The following RAPGEF6 variants were observed in gnomAD, a reference collection of about 807,000 sequenced individuals.
The protein encoded by RAPGEF6 is Rap guanine nucleotide exchange factor 6.
Under a neutral mutation model 171.4 loss-of-function variants are expected in RAPGEF6, and 56 were observed. The observed-to-expected ratio is 0.33, with a 90% CI of 0.26 to 0.41. The LOEUF (loss-of-function observed/expected upper bound fraction) is 0.41. Ranked by LOEUF, RAPGEF6 falls within the 10% of genes least tolerant of loss-of-function variation. The probability of loss-of-function intolerance (pLI) is 1.00; values close to 1 mark genes in which losing one functional copy is unlikely to be tolerated. For synonymous variants in RAPGEF6, 692 were observed against 650.1 expected (o/e 1.06, Z -0.98); for missense variants, 1,674 against 1,921.4 (o/e 0.87, Z 2.41).
chr5:131,450,540 A>T (rs926868553), intron 21 of RAPGEF6, among the ~76,000 whole-genome samples: 1 of 152,184 alleles, frequency 6.6e-6, no homozygotes, highest in Non-Finnish European at 1.5e-5. Flanking sequence ...TCTTGTAAGA[A>T]ATGTTGACCA....
intron 1 of RAPGEF6, among the ~76,000 whole-genome samples, chr5:131,613,838 G>T (rs1239648715): frequency 6.6e-6 from 1 of 151,946 alleles, no homozygotes; most frequent in African/African-American, 2.4e-5. Flanking sequence ...CAAAGGCAGG[G>T]GCAAATTATT....
chr5:131,579,528 A>C (rs1467854857), intron 4 of RAPGEF6, among the ~76,000 whole-genome samples: 1 of 152,224 alleles, frequency 6.6e-6, no homozygotes, highest in Non-Finnish European at 1.5e-5. Flanking sequence ...TGAGCTAGAC[A>C]GAGTGCTGAC....
intron 1 of RAPGEF6, among the ~76,000 whole-genome samples, chr5:131,608,877 C>T (rs567703702): frequency 2.6e-5 from 4 of 152,098 alleles, no homozygotes; most frequent in South Asian, 4.2e-4. Flanking sequence ...CTCAAGCAAT[C>T]GTCCCACCTC....
At chr5:131,462,923 A>G (rs1188203363) in intron 18 of RAPGEF6, among the ~76,000 whole-genome samples, 1 of 152,212 alleles carries the variant, frequency 6.6e-6, no homozygotes, top group Non-Finnish European at 1.5e-5. Flanking sequence ...AATGCCATAA[A>G]TAATAGTGCT....
At chr5:131,430,704 T>C (rs1486977665) in intron 26 of RAPGEF6, 155 bp downstream of exon 26, 4 of 1,094,018 alleles carry the variant, frequency 3.7e-6, no homozygotes, top group Admixed American at 1.7e-5. Context: ...TGAGAAACCA[T>C]GAATTTTTGG....
In RAPGEF6 at chr5:131,555,813, C is replaced by T. The variant is rs1041898211; in HGVS notation, c.351+6165G>A. On this transcript the variant is annotated intron_variant, in intron 5 of 27. Coordinates refer to ENST00000509018, the MANE Select transcript of RAPGEF6 (RefSeq NM_016340.6). ...GCGTCTATATACACACATATACAGC[C>T]ATGTGCACTTAACGATAAGGATACG... is the stretch of plus-strand genomic sequence containing the variant. Among the ~76,000 whole-genome samples the T allele has an allele frequency of 4.6e-5, 7 of 152,010 alleles. 1 individual carries two copies. Among genetic ancestry groups the T allele is most frequent in the African/African-American group, 1.7e-4 (7 of 41,394 alleles).
At chr5:131,573,277 C>T (rs1434524195) in intron 4 of RAPGEF6, among the ~76,000 whole-genome samples, 1 of 152,148 alleles carries the variant, frequency 6.6e-6, no homozygotes, top group Non-Finnish European at 1.5e-5. Context: ...CTCTCCCCTA[C>T]CTGCCCAACA....
intron 24 of RAPGEF6, 143 bp from the exon 25 acceptor site, chr5:131,433,801 A>G (rs1751860129): frequency 4.6e-6 from 3 of 650,128 alleles, no homozygotes; most frequent in Non-Finnish European, 7.8e-6. Context: ...CTATGTAGAT[A>G]TAATGGTGCC....
chr5:131,600,026 T>G (rs1764133214), intron 3 of RAPGEF6, among the ~76,000 whole-genome samples: 1 of 152,218 alleles, frequency 6.6e-6, no homozygotes, highest in Non-Finnish European at 1.5e-5. Flanking sequence ...ATACCCAACT[T>G]ATCTGAAAAG....
chr5:131,517,345 C>T (rs1283907209), intron 7 of RAPGEF6, among the ~76,000 whole-genome samples: 1 of 151,544 alleles, frequency 6.6e-6, no homozygotes, highest in African/African-American at 2.4e-5. Context: ...GAAAAAAATG[C>T]CCAAATTAAT....
At chr5:131,469,406 T>C (rs980720246) in intron 17 of RAPGEF6, among the ~76,000 whole-genome samples, 2 of 152,124 alleles carry the variant, frequency 1.3e-5, no homozygotes, top group African/African-American at 4.8e-5. Context: ...GTTTACTATA[T>C]GAAATAAATC....
intron 20 of RAPGEF6, among the ~76,000 whole-genome samples, chr5:131,453,491 C>T (rs532835099): frequency 2.4e-4 from 37 of 151,970 alleles, no homozygotes; most frequent in African/African-American, 8.9e-4. Flanking sequence ...TTTGGAAGGC[C>T]GAGGCAGGAG....
Position 131,461,920 on chromosome 5 carries a change from C to G in RAPGEF6, c.2649G>C (p.Glu883Asp). ...FDLFRNIEPT[E>D]YIDDLFKLNS... is the part of the protein sequence containing the mutation. ...TTAACTTAAAAAGGTCATCGATGTA[C>G]TCAGTCGGTTCAATATTACGAAACA... The change falls in exon 19 of 28, where the codon GAG becomes GAC. Residue 883 changes from glutamate (E) to aspartate (D), a missense_variant. Coordinates refer to ENST00000509018, the MANE Select transcript of RAPGEF6 (RefSeq NM_016340.6). The G allele has an allele frequency of 6.2e-7, 1 of 1,614,146 alleles. No homozygotes were observed. The highest frequency in any genetic ancestry group is 8.5e-7 in the Non-Finnish European group (1 of 1,179,998).
At chr5:131,434,283 G>A (rs1327575480) in intron 24 of RAPGEF6, among the ~76,000 whole-genome samples, 2 of 152,152 alleles carry the variant, frequency 1.3e-5, no homozygotes, top group Non-Finnish European at 2.9e-5. Context: ...CTGCTCTGTT[G>A]CCAGGCTATA....
At chr5:131,545,440 C>G (rs1423061810) in intron 6 of RAPGEF6, among the ~76,000 whole-genome samples, 2 of 151,976 alleles carry the variant, frequency 1.3e-5, no homozygotes, top group Admixed American at 1.3e-4. Flanking sequence ...ATTTCCACTG[C>G]TGTCTAAAAG....
chr5:131,455,150 C>A (rs549353259), intron 20 of RAPGEF6, among the ~76,000 whole-genome samples: 15 of 152,262 alleles, frequency 9.9e-5, no homozygotes, highest in African/African-American at 3.4e-4. Flanking sequence ...GTAGTAACAA[C>A]AACAAAAGTA....
At chr5:131,436,182 C>T (rs909060982) in intron 24 of RAPGEF6, 16 of 1,537,620 alleles carry the variant, frequency 1.0e-5, no homozygotes, top group South Asian at 7.1e-5. Context: ...GTCTTCTAAA[C>T]GGGGATGTCA....
chr5:131,591,927 A>T (rs1561588926), intron 4 of RAPGEF6, among the ~76,000 whole-genome samples: 1 of 152,042 alleles, frequency 6.6e-6, no homozygotes, highest in Non-Finnish European at 1.5e-5. Flanking sequence ...GCGTGGTCTC[A>T]GCTCACGGCA....
At chr5:131,585,735 A>G (rs1763220683) in intron 4 of RAPGEF6, among the ~76,000 whole-genome samples, 1 of 152,178 alleles carries the variant, frequency 6.6e-6, no homozygotes, top group Non-Finnish European at 1.5e-5. Flanking sequence ...CTGAGGCAGG[A>G]GAATAGCTTG....
Sources: allele counts gnomAD v4.1 joint callset (sites outside exome capture counted in the v4.1 genomes callset), GRCh38; gene constraint gnomAD v4.1.1; transcripts MANE v1.5; gene names NCBI Gene and HGNC (gene_info 2026-07-23, HGNC 2026-07-21).